The following CLASRP variants were observed in gnomAD, a reference collection of about 807,000 sequenced individuals.
CLASRP encodes CLK4 associating serine/arginine rich protein.
In CLASRP, 52 loss-of-function variants were observed where a neutral mutation model predicts 99.9. The ratio of observed to expected loss-of-function variants is 0.52; its 90% confidence interval spans 0.42 to 0.66. The LOEUF (loss-of-function observed/expected upper bound fraction) is 0.66. Ranked by LOEUF, CLASRP falls within the 30% of genes least tolerant of loss-of-function variation. CLASRP has a pLI of 0.00. For synonymous variants in CLASRP, 379 were observed against 373.0 expected, an observed-to-expected ratio of 1.02 and a Z score of -0.18; for missense variants, 848 against 999.2, an observed-to-expected ratio of 0.85 and a Z score of 2.04.
chr19:45,041,149 A>C (rs1406066621), intron 2 of CLASRP, among the ~76,000 whole-genome samples: 1 of 142,478 alleles, frequency 7.0e-6, no homozygotes, highest in Non-Finnish European at 1.5e-5. Flanking sequence ...TGAACCGGGG[A>C]GGGGGGCAGA....
chr19:45,045,785 C>G (rs1277819752), intron 2 of CLASRP, among the ~76,000 whole-genome samples: 1 of 152,158 alleles, frequency 6.6e-6, no homozygotes, highest in Non-Finnish European at 1.5e-5. Context: ...CTGAGAGCAG[C>G]CTGGCCAGCG....
At chr19:45,041,870 C>T (rs570502642) in intron 2 of CLASRP, among the ~76,000 whole-genome samples, 14 of 152,318 alleles carry the variant, frequency 9.2e-5, no homozygotes, top group South Asian at 4.1e-4. Context: ...CTGACCCAAG[C>T]GCTCCCCAGC....
At chr19:45,069,962 C>T in intron 18 of CLASRP, 60 bp from the exon 19 acceptor site, 1 of 933,070 alleles carries the variant, frequency 1.1e-6, no homozygotes, top group Non-Finnish European at 1.8e-6. Context: ...AAGCACCTGC[C>T]CTCCCTGAGT....
intron 2 of CLASRP, among the ~76,000 whole-genome samples, chr19:45,050,368 G>A (rs1432660031): frequency 6.6e-6 from 1 of 152,168 alleles, no homozygotes; most frequent in Non-Finnish European, 1.5e-5. Flanking sequence ...CACTAGGCTG[G>A]CTGACATGGA....
At chr19:45,042,171 G>A (rs1014690724) in intron 2 of CLASRP, among the ~76,000 whole-genome samples, 1 of 152,208 alleles carries the variant, frequency 6.6e-6, no homozygotes, top group South Asian at 2.1e-4. Flanking sequence ...ATGAAACCTC[G>A]TCTCTACTAA....
rs1364698852 is a variant in CLASRP, at chr19:45,064,488, T to G, written c.1267T>G (p.Ser423Ala). ...CGCCCGCTCCCGGTCCCGCTCCTGG[T>G]CCCGCTCCCGCTCCCGCTCCCGGCG... is the stretch of plus-strand genomic sequence containing the variant. The part of the protein sequence containing the change: ...RHARSRSRSW[S>A]RSRSRSRRYS... The change falls in exon 13 of 21, where the codon TCC becomes GCC. Residue 423 changes from serine (S) to alanine (A), a missense_variant. Ser to Ala is a moderately conservative substitution (Grantham distance 99). This residue lies in a region of CLASRP where 489 missense variants were observed against 434.7 expected (regional missense o/e 1.12). Coordinates refer to ENST00000221455, the MANE Select transcript of CLASRP (RefSeq NM_007056.3). 1.3e-5 allele frequency: 20 copies of G among 1,529,508 alleles called. No individual in the cohort carries two copies. The highest frequency in any genetic ancestry group is 1.6e-5 in the Non-Finnish European group (18 of 1,141,552). 94.7% of individuals were successfully genotyped at this position (1,529,508 alleles called of 1,614,324 possible). A position where few individuals can be genotyped will look rare whatever the true frequency, so the allele number is the denominator to read the frequency against.
rs774293291 is a variant in CLASRP at position 45,052,871 on chromosome 19, C to G, written c.278C>G (p.Thr93Ser). 2.5e-6 allele frequency: 4 copies of G among 1,608,372 alleles called. No individual in the cohort carries two copies. Among genetic ancestry groups the G allele is most frequent in the South Asian group, 2.2e-5 (2 of 90,462 alleles). The change falls in exon 4 of 21, where the codon ACC (threonine) becomes AGC (serine). Residue 93 changes from threonine to serine, a missense_variant. Thr to Ser is a moderately conservative substitution (Grantham distance 58). This residue lies in a region of CLASRP where 54 missense variants were observed against 38.7 expected (regional missense o/e 1.39). Coordinates refer to ENST00000221455, the MANE Select transcript of CLASRP (RefSeq NM_007056.3). ...CACCTGGACCACATCCCCGACTACACCCCCCCTCTGCTCACCACCATGTAA... is the reference window on the plus strand; with the variant it reads ...CACCTGGACCACATCCCCGACTACAGCCCCCCTCTGCTCACCACCATGTAA... ...RAHLDHIPDY[T>S]PPLLTTISPE...
At chr19:45,052,512 T>C (rs980890781) in intron 3 of CLASRP, among the ~76,000 whole-genome samples, 3 of 152,068 alleles carry the variant, frequency 2.0e-5, no homozygotes, top group Admixed American at 6.5e-5. Flanking sequence ...CTGGTTCAAG[T>C]TCCCCACTAT....
At chr19:45,061,617 C>T (rs551673978) in intron 10 of CLASRP, among the ~76,000 whole-genome samples, 2 of 152,210 alleles carry the variant, frequency 1.3e-5, no homozygotes, top group African/African-American at 4.8e-5. Flanking sequence ...TACTGGTATG[C>T]GTCACCACGC....
At chr19:45,068,311 T>TCCCCCC (rs1310198710) in intron 15 of CLASRP, 109 bp from the exon 16 acceptor site, 53 of 544,598 alleles carry the variant, frequency 9.7e-5, no homozygotes, top group African/African-American at 6.3e-4. Context: ...CACGTCGTTC[T>TCCCCCC]CCCCCCCCCA....
rs1967038899 is a variant in CLASRP at position 45,064,609 on chromosome 19, A to ACGGGCCC, written c.1392_1398dup (p.Arg467AlafsTer28). ...CGCTCGCCCGCCCGGCGTGGTGGTTACGGGCCCCGGCGCAGAAGCAGGTGT... is the reference window on the plus strand; with the variant it reads ...CGCTCGCCCGCCCGGCGTGGTGGTTACGGGCCCCGGGCCCCGGCGCAGAAGCAGGTGT... On this transcript the variant is annotated frameshift_variant, in exon 13 of 21. Transcript: ENST00000221455. LOFTEE classifies it high-confidence loss of function. 6.4e-7 allele frequency: 1 copy of ACGGGCCC among 1,551,728 alleles called. No homozygotes were observed.
At position 45,060,328 on chromosome 19, in the gene CLASRP, G is replaced by A; in HGVS notation, c.711-61G>A. On this transcript the variant is annotated intron_variant, in intron 8 of 20. Coordinates refer to ENST00000221455, the MANE Select transcript of CLASRP (RefSeq NM_007056.3). The surrounding 1 kb of genome is among the most constrained non-coding windows in gnomAD (Gnocchi z 4.6). ...CTCACTTTCTCTGATGACTCAGTCT[G>A]TGTCCTCCTTACCCTGTGGCCTGCC... is the stretch of plus-strand genomic sequence containing the variant. 2 of 1,475,898 alleles carry A rather than the reference G, an allele frequency of 1.4e-6. No homozygotes were observed. Among genetic ancestry groups the A allele is most frequent in the Non-Finnish European group, 9.5e-7 (1 of 1,054,654 alleles). 91.4% of individuals were successfully genotyped at this position (1,475,898 alleles called of 1,614,324 possible).
In CLASRP at chr19:45,069,134, G is replaced by A; in HGVS notation, c.1827+10G>A. On this transcript the variant is annotated intron_variant, in intron 17 of 20. Coordinates refer to ENST00000221455, the MANE Select transcript of CLASRP (RefSeq NM_007056.3). ...GGAGCATGAGCGGCAGGTGAAGTGG[G>A]AAAGGGAGGGCTGGGGTGACGGGTG... is the stretch of plus-strand genomic sequence containing the variant. 3 of 1,614,066 alleles carry A rather than the reference G, an allele frequency of 1.9e-6. No homozygotes were observed. The South Asian group carries it at 3.3e-5, about 18-fold the overall frequency.
At position 45,040,174 on chromosome 19, in the gene CLASRP, C is replaced by CA; in HGVS notation, c.-29-9dup. On this transcript the variant is annotated splice_polypyrimidine_tract_variant and intron_variant, in intron 1 of 20. Transcript: ENST00000221455. The stretch of plus-strand genomic sequence containing the variant: ...GACCATCTGACTTTCCTGGTCCCTT[C>CA]ATCCCTCAGGTTGAGGCCCCAGGCT... 1 of 1,492,152 alleles carries CA rather than the reference C, an allele frequency of 6.7e-7. No individual in the cohort carries two copies. Among genetic ancestry groups the CA allele is most frequent in the Non-Finnish European group, 9.2e-7 (1 of 1,084,526 alleles). The allele number at this position is 1,492,152 out of a possible 1,614,324, so 92.4% of individuals were successfully genotyped here. A position where few individuals can be genotyped will look rare whatever the true frequency, so the allele number is the denominator to read the frequency against.
chr19:45,067,345 C>T lies in CLASRP; in HGVS notation c.1418C>T (p.Ser473Phe). Residue 473 changes from serine (S) to phenylalanine (F), a missense_variant, in exon 14 of 21, where the codon TCC (serine) becomes TTC (phenylalanine). Transcript: ENST00000221455. This position sits in a 1 kb window ranked among gnomAD's most constrained non-coding sequence, Gnocchi z 4.9. ...CCCTGCTGCATCCCCAGGAGCCGCT[C>T]CCACTCAGGGGACCGCTACAGGCGG... ...YGPRRRSRSRSHSGDRYRRGG... is the reference protein window; with the variant it reads ...YGPRRRSRSRFHSGDRYRRGG... 1 of 1,514,990 alleles carries T rather than the reference C, an allele frequency of 6.6e-7. No homozygotes were observed. The highest frequency in any genetic ancestry group is 8.8e-7 in the Non-Finnish European group (1 of 1,135,934). The allele number at this position is 1,514,990 out of a possible 1,614,324, so 93.8% of individuals were successfully genotyped here. A position where few individuals can be genotyped will look rare whatever the true frequency, so the allele number is the denominator to read the frequency against.
At chr19:45,042,158 A>G (rs184993964) in intron 2 of CLASRP, among the ~76,000 whole-genome samples, 86 of 152,292 alleles carry the variant, frequency 5.6e-4, no homozygotes, top group African/African-American at 1.9e-3. Context: ...CCTGGCTAAC[A>G]TGATGAAACC....
rs771746275 is a variant in CLASRP, at chr19:45,060,562, C to T, written c.798C>T (p.Arg266=). Residue 266 remains arginine (R), a synonymous_variant, in exon 10 of 21, where the codon CGC becomes CGT. Coordinates refer to ENST00000221455, the MANE Select transcript of CLASRP (RefSeq NM_007056.3). This position sits in a 1 kb window ranked among gnomAD's most constrained non-coding sequence, Gnocchi z 4.6. The part of the protein sequence containing the change: ...EEEKAMYSGR[R]SRRQRREFRE... ...CACCCACCCTACTCCAGGGACGCCG[C>T]TCTCGACGCCAGCGGAGAGAGTTTC... 3.1e-6 allele frequency: 5 copies of T among 1,613,274 alleles called. No individual in the cohort carries two copies. The highest frequency in any genetic ancestry group is 4.2e-6 in the Non-Finnish European group (5 of 1,179,730).
At chr19:45,059,018 C>T (rs1972176857) in intron 7 of CLASRP, among the ~76,000 whole-genome samples, 1 of 152,098 alleles carries the variant, frequency 6.6e-6, no homozygotes, top group East Asian at 1.9e-4. Context: ...TTCTCTTTCC[C>T]TCCCTCCGTT....
chr19:45,049,938 A>G (rs1023019748), intron 2 of CLASRP, among the ~76,000 whole-genome samples: 1 of 152,210 alleles, frequency 6.6e-6, no homozygotes, highest in Non-Finnish European at 1.5e-5. Flanking sequence ...TATATGAATT[A>G]CTTCTCAATA....
Sources: allele counts gnomAD v4.1 joint callset (sites outside exome capture counted in the v4.1 genomes callset), GRCh38; gene constraint gnomAD v4.1.1; regional missense constraint gnomAD v4.1.1; non-coding constraint Gnocchi (gnomAD v3.1); transcripts MANE v1.5; gene names NCBI Gene and HGNC (gene_info 2026-07-23, HGNC 2026-07-21).